Variants in CNKSR2 observed in about 807,000 individuals in gnomAD.
CNKSR2 encodes CNK homolog protein 2.
A neutral mutation model predicts 84.4 loss-of-function variants in CNKSR2; 14 were observed. That is an observed-to-expected ratio of 0.17 (90% CI 0.11 to 0.26). The LOEUF is 0.26. Among genes scored for constraint, CNKSR2 ranks in the 10% least tolerant of loss-of-function variants. CNKSR2 has a pLI of 1.00. For synonymous variants in CNKSR2, 275 were observed against 277.9 expected, an observed-to-expected ratio of 0.99 and a Z score of 0.10; for missense variants, 485 against 771.2, an observed-to-expected ratio of 0.63 and a Z score of 4.40.
intron 5 of CNKSR2, among the ~76,000 whole-genome samples, chrX:21,471,464 A>C (rs1390845115): frequency 8.9e-6 from 1 of 112,213 alleles, no homozygotes; most frequent in South Asian, 3.7e-4. Context: ...TCATTTCTGC[A>C]TCTGCCAGGT....
At chrX:21,432,865 G>T (rs769496043) in intron 3 of CNKSR2, 51 bp downstream of exon 3, 1 of 1,132,856 alleles carries the variant, frequency 8.8e-7, no homozygotes. Context: ...ACACCAGTTT[G>T]AATATAACAT....
Position 21,569,515 on chromosome X carries a change from A to G in CNKSR2, c.1608+6063A>G, listed in dbSNP as rs112826051. ...CATTTGCAGTGACTTCCTCCACTAA[A>G]GTTTAGAACCCCTCAAAGTCATCCA... On this transcript the variant is annotated intron_variant, in intron 13 of 21. Transcript: ENST00000379510. 9.9e-3 allele frequency among the ~76,000 whole-genome samples: 1,108 copies of G among 111,821 alleles called. 11 individuals are homozygous for G. Among genetic ancestry groups the G allele is most frequent in the African/African-American group, 0.034 (1,034 of 30,820 alleles).
chrX:21,512,833 T>TGTAA (rs2091688152), intron 8 of CNKSR2, among the ~76,000 whole-genome samples: 1 of 111,695 alleles, frequency 9.0e-6, no homozygotes, highest in Non-Finnish European at 1.9e-5. Context: ...CTTGTATTCA[T>TGTAA]GTAAGCTACC....
chrX:21,535,641 A>G (rs960636760), intron 11 of CNKSR2, among the ~76,000 whole-genome samples: 9 of 109,848 alleles, frequency 8.2e-5, no homozygotes, highest in African/African-American at 3.0e-4. Flanking sequence ...TATAAAGGGG[A>G]TTGCATTCTT....
chrX:21,577,380 T>A (rs554481625), intron 13 of CNKSR2, among the ~76,000 whole-genome samples: 1 of 111,596 alleles, frequency 9.0e-6, no homozygotes, highest in South Asian at 3.7e-4. Flanking sequence ...AATTATAAAT[T>A]TATTAAATTT....
At chrX:21,651,301 T>G (rs2092720432) in intron 21 of CNKSR2, among the ~76,000 whole-genome samples, 2 of 111,648 alleles carry the variant, frequency 1.8e-5, no homozygotes, top group South Asian at 7.6e-4. Flanking sequence ...CATGGAAAAT[T>G]AATAGGGAAT....
At chrX:21,533,747 A>G (rs1157070215) in intron 11 of CNKSR2, among the ~76,000 whole-genome samples, 1 of 111,321 alleles carries the variant, frequency 9.0e-6, no homozygotes, top group East Asian at 2.8e-4. Flanking sequence ...TACTTAAAAG[A>G]GAGAAGTAAG....
intron 20 of CNKSR2, chrX:21,645,509 A>G (rs1170691769): frequency 8.9e-6 from 1 of 112,123 alleles, no homozygotes; most frequent in Non-Finnish European, 1.9e-5. Flanking sequence ...GAATCACAGA[A>G]GGTTCCTATA....
chrX:21,407,566 C>T (rs1224790610), intron 1 of CNKSR2, among the ~76,000 whole-genome samples: 1 of 111,139 alleles, frequency 9.0e-6, no homozygotes, highest in Non-Finnish European at 1.9e-5. Context: ...TTGTTTTTCC[C>T]TCCTTCTTGG....
chrX:21,449,434 TAAC>T (rs1478837855), intron 4 of CNKSR2, among the ~76,000 whole-genome samples: 1 of 109,954 alleles, frequency 9.1e-6, no homozygotes, highest in Admixed American at 9.8e-5. Flanking sequence ...AAAACACTAA[TAAC>T]CCATGAAATG....
At chrX:21,540,960 A>G (rs1408804461) in intron 11 of CNKSR2, among the ~76,000 whole-genome samples, 2 of 111,426 alleles carry the variant, frequency 1.8e-5, no homozygotes, top group African/African-American at 6.6e-5. Flanking sequence ...ACACAGATGT[A>G]AAGAAAAATA....
At chrX:21,496,990 T>A (rs1460340256) in intron 6 of CNKSR2, among the ~76,000 whole-genome samples, 2 of 111,303 alleles carry the variant, frequency 1.8e-5, no homozygotes, top group Non-Finnish European at 3.8e-5. Context: ...ATATTAAAAA[T>A]GTGAATCCCT....
At chrX:21,576,968 T>G (rs1179946233) in intron 13 of CNKSR2, among the ~76,000 whole-genome samples, 1 of 111,902 alleles carries the variant, frequency 8.9e-6, no homozygotes, top group Admixed American at 9.5e-5. Flanking sequence ...TGTTATGTTC[T>G]GCGCTGCTTT....
intron 13 of CNKSR2, among the ~76,000 whole-genome samples, chrX:21,590,358 C>T (rs914414798): frequency 1.8e-5 from 2 of 111,377 alleles, no homozygotes; most frequent in East Asian, 2.8e-4. Context: ...CTACAAAATA[C>T]GGGTAAATAT....
intron 20 of CNKSR2, chrX:21,642,507 A>T (rs2092694895): frequency 1.3e-6 from 1 of 749,688 alleles, no homozygotes; most frequent in African/African-American, 2.3e-5. Context: ...AATATTGCTT[A>T]TTTTTCTTCT....
chrX:21,437,690 T>G (rs2090727895), intron 3 of CNKSR2, among the ~76,000 whole-genome samples: 1 of 110,618 alleles, frequency 9.0e-6, no homozygotes, highest in African/African-American at 3.3e-5. Flanking sequence ...AGTAATTTTT[T>G]TAAATTAATG....
intron 11 of CNKSR2, among the ~76,000 whole-genome samples, chrX:21,554,843 A>G (rs1410948199): frequency 9.0e-6 from 1 of 111,296 alleles, no homozygotes; most frequent in Non-Finnish European, 1.9e-5. Flanking sequence ...CTGTGGGTAT[A>G]TACCCAGTAA....
intron 5 of CNKSR2, among the ~76,000 whole-genome samples, chrX:21,479,254 T>C (rs1259394469): frequency 8.9e-6 from 1 of 111,791 alleles, no homozygotes; most frequent in African/African-American, 3.3e-5. Context: ...ATACTTCTTA[T>C]GGCTCAGTAG....
rs940973884 is a variant in CNKSR2 at position 21,609,731 on chromosome X, T to C, written c.2692+114T>C. 2.8e-5 allele frequency: 27 copies of C among 976,956 alleles called. No individual in the cohort carries two copies. In the African/African-American group the frequency reaches 3.5e-4, roughly 13 times the overall value. The allele number at this position is 976,956 out of a possible 1,213,427, so 80.5% of individuals were successfully genotyped here. A position where few individuals can be genotyped will look rare whatever the true frequency, so the allele number is the denominator to read the frequency against. ...CCCTTTTTTCTTAAAATAATAGTAT[T>C]GCTATATAGTAAGTTAGGTCTCCCT... On this transcript the variant is annotated intron_variant, in intron 20 of 21. Coordinates refer to ENST00000379510, the MANE Select transcript of CNKSR2 (RefSeq NM_014927.5).
Sources: allele counts gnomAD v4.1 joint callset (sites outside exome capture counted in the v4.1 genomes callset), GRCh38; gene constraint gnomAD v4.1.1; transcripts MANE v1.5; gene names NCBI Gene and HGNC (gene_info 2026-07-23, HGNC 2026-07-21).